The following ZFHX3 variants were observed in gnomAD, a reference collection of about 807,000 sequenced individuals.
The protein encoded by ZFHX3 is zinc finger homeobox 3, also known as zinc finger homeobox protein 3.
In ZFHX3, 42 loss-of-function variants were observed where a neutral mutation model predicts 279.1. The ratio of observed to expected loss-of-function variants is 0.15; its 90% CI spans 0.12 to 0.19. The LOEUF (loss-of-function observed/expected upper bound fraction) is 0.19, where lower values mean the gene tolerates loss of function less well. Ranked by LOEUF, ZFHX3 falls within the 10% of genes least tolerant of loss-of-function variation. ZFHX3 has a pLI of 1.00. For missense variants in ZFHX3, 4,981 were observed against 4,754.0 expected (o/e 1.05, Z -1.40); for synonymous variants, 2,293 against 1,957.8 (o/e 1.17, Z -4.52).
intron 3 of ZFHX3, among the ~76,000 whole-genome samples, chr16:72,936,886 T>A (rs1476028181): frequency 6.6e-6 from 1 of 151,636 alleles, no homozygotes; most frequent in Non-Finnish European, 1.5e-5. Flanking sequence ...AGAGTTGAAA[T>A]ACAGAGAGAC....
At chr16:73,634,129 C>T (rs550034867) in intron 2 of ZFHX3, among the ~76,000 whole-genome samples, 102 of 151,942 alleles carry the variant, frequency 6.7e-4, no homozygotes, top group African/African-American at 2.3e-3. Context: ...TGTGTACATA[C>T]ATATACATAC....
intron 3 of ZFHX3, among the ~76,000 whole-genome samples, chr16:73,353,614 C>G (rs778355770): frequency 6.6e-6 from 1 of 152,138 alleles, no homozygotes; most frequent in Non-Finnish European, 1.5e-5. Context: ...GGACTTTGAA[C>G]CAGCTCATGG....
At chr16:72,921,287 TAG>T (rs1178361175) in intron 3 of ZFHX3, among the ~76,000 whole-genome samples, 3 of 152,168 alleles carry the variant, frequency 2.0e-5, no homozygotes. Flanking sequence ...ATGCAGCTTC[TAG>T]GAACTTGGAC....
intron 1 of ZFHX3, among the ~76,000 whole-genome samples, chr16:73,844,602 G>A (rs916470520): frequency 6.6e-6 from 1 of 151,970 alleles, no homozygotes; most frequent in Non-Finnish European, 1.5e-5. Flanking sequence ...TAACATGCTC[G>A]AGGGAGGGAT....
At chr16:73,053,034 A>T (rs1055830549), upstream of ZFHX3, among the ~76,000 whole-genome samples, 2 of 152,158 alleles carry the variant, frequency 1.3e-5, no homozygotes, top group Admixed American at 6.5e-5. Flanking sequence ...CTTCCTAATG[A>T]CTGCTTTTTC....
In ZFHX3 at chr16:73,555,399, C is replaced by T. The variant is rs547659666; in HGVS notation, c.-1546-99141G>A. 2.3e-3 allele frequency among the ~76,000 whole-genome samples: 351 copies of T among 152,142 alleles called. 5 individuals carry two copies. The highest frequency in any genetic ancestry group is 0.017 in the South Asian group (82 of 4,822). On this transcript the variant is annotated intron_variant, in intron 2 of 17. Transcript: ENST00000641206. Reference sequence around the variant, plus strand: ...CCGATATCTTGACCTCGTGATCCGCCTGCCTCGGCCTCCCAAAGTGCTGGG... The same window carrying T: ...CCGATATCTTGACCTCGTGATCCGCTTGCCTCGGCCTCCCAAAGTGCTGGG...
intron 1 of ZFHX3, among the ~76,000 whole-genome samples, chr16:72,999,028 A>C (rs766371031): frequency 1.3e-5 from 2 of 152,192 alleles, no homozygotes; most frequent in Non-Finnish European, 2.9e-5. Flanking sequence ...CCTCATTCTT[A>C]AACAGGAGAC....
upstream of ZFHX3, among the ~76,000 whole-genome samples, chr16:73,049,644 G>A (rs1186693744): frequency 2.0e-5 from 3 of 152,090 alleles, no homozygotes; most frequent in African/African-American, 7.2e-5. Flanking sequence ...CTGCCTCCAG[G>A]GAATCATGTC....
At chr16:73,072,389 A>G (rs1965835125) in intron 8 of ZFHX3, among the ~76,000 whole-genome samples, 1 of 149,658 alleles carries the variant, frequency 6.7e-6, no homozygotes, top group East Asian at 2.0e-4. Context: ...AGTTGCAGTG[A>G]GCCGAGATCG....
At chr16:73,348,006 A>G (rs901713239) in intron 3 of ZFHX3, among the ~76,000 whole-genome samples, 1 of 152,212 alleles carries the variant, frequency 6.6e-6, no homozygotes, top group East Asian at 1.9e-4. Context: ...TAGGCAGTTG[A>G]CTGGTTAAAG....
chr16:72,787,198 AGACCACT>A lies in ZFHX3; in HGVS notation c.11071_11077del (p.Ser3691Ter). ...GAAGGTGTCCGTTCCTACACTGGTC[AGACCACT>A]GTCCTTGGGGCAGCTGGGGTCTTTG... On this transcript the variant is annotated frameshift_variant, in exon 10 of 10. Transcript: ENST00000268489. LOFTEE classifies it high-confidence loss of function. The A allele has an allele frequency of 6.2e-6, 10 of 1,613,498 alleles. No homozygotes were observed. Among genetic ancestry groups the A allele is most frequent in the Non-Finnish European group, 8.5e-6 (10 of 1,179,566 alleles).
chr16:72,932,118 G>T (rs1282470632), intron 3 of ZFHX3, among the ~76,000 whole-genome samples: 1 of 152,156 alleles, frequency 6.6e-6, no homozygotes. Flanking sequence ...TGAGTGTCCT[G>T]TGTACTCTAT....
intron 1 of ZFHX3, among the ~76,000 whole-genome samples, chr16:72,981,773 G>A (rs959408098): frequency 3.9e-5 from 6 of 152,052 alleles, no homozygotes; most frequent in Admixed American, 2.0e-4. Flanking sequence ...ACTTCTTCAC[G>A]GGGACCCCAA....
intron 2 of ZFHX3, among the ~76,000 whole-genome samples, chr16:73,621,135 A>G (rs1235085637): frequency 6.6e-6 from 1 of 152,192 alleles, no homozygotes; most frequent in Non-Finnish European, 1.5e-5. Context: ...AGGGAATCCT[A>G]CTGTCATAAC....
At chr16:73,046,797 G>A (rs1303199492) in intron 1 of ZFHX3, among the ~76,000 whole-genome samples, 1 of 151,900 alleles carries the variant, frequency 6.6e-6, no homozygotes, top group African/African-American at 2.4e-5. Flanking sequence ...CAGTATGAAG[G>A]AGAGGCCTTC....
intron 5 of ZFHX3, among the ~76,000 whole-genome samples, chr16:73,172,639 G>T (rs575410101): frequency 4.3e-4 from 66 of 152,296 alleles, no homozygotes; most frequent in African/African-American, 1.4e-3. Context: ...TTTAAAGCCG[G>T]TTTTTTGAGA....
intron 4 of ZFHX3, among the ~76,000 whole-genome samples, chr16:72,848,829 G>A (rs559462118): frequency 2.6e-5 from 4 of 151,750 alleles, no homozygotes; most frequent in East Asian, 1.9e-4. Context: ...CCTTTCCCTC[G>A]TTTCTGCTTA....
chr16:73,207,877 T>C (rs2011867694), intron 5 of ZFHX3, among the ~76,000 whole-genome samples: 2 of 152,108 alleles, frequency 1.3e-5, no homozygotes, highest in South Asian at 4.1e-4. Flanking sequence ...CGCCAACGTT[T>C]TGGAAGAAAA....
intron 1 of ZFHX3, among the ~76,000 whole-genome samples, chr16:72,997,802 T>C (rs1379245840): frequency 6.6e-6 from 1 of 152,148 alleles, no homozygotes; most frequent in Non-Finnish European, 1.5e-5. Context: ...GGGAGGGGCC[T>C]GGTGCAGTGG....
Sources: gnomAD v4.1 joint callset for allele counts (sites outside exome capture counted in the v4.1 genomes callset) on GRCh38, gnomAD v4.1.1 for gene constraint, MANE v1.5 for transcripts, NCBI Gene and HGNC (gene_info 2026-07-23, HGNC 2026-07-21) for gene names.